The following CA5A variants were observed in gnomAD, a reference collection of about 807,000 sequenced individuals.
The protein encoded by CA5A is carbonic anhydrase 5A, mitochondrial.
CA5A carries 28 observed loss-of-function variants against 37.1 expected under a neutral mutation model. The observed-to-expected ratio is 0.75, with a 90% CI of 0.56 to 1.03. CA5A has a LOEUF of 1.03. CA5A is among the 50% of genes least tolerant of loss of function. The pLI, the probability that CA5A is intolerant of heterozygous loss-of-function variation, is 0.00. For missense variants in CA5A, 444 were observed against 399.9 expected (o/e 1.11, Z -0.94); for synonymous variants, 171 against 158.4 (o/e 1.08, Z -0.60).
chr16:87,923,648 G>C, intron 2 of CA5A: 2 of 985,402 alleles, frequency 2.0e-6, no homozygotes, highest in Non-Finnish European at 2.4e-6. Flanking sequence ...TGTCAGCTCA[G>C]GGTCAGCCAC....
Position 87,903,011 on chromosome 16 carries a change from G to A in CA5A, c.460-491C>T, listed in dbSNP as rs542702424. ...TCCCAGGCCCTTGACGAAGCCACAG[G>A]AAGGAACAGCCTCAGTCTTCCTGGT... On this transcript the variant is annotated intron_variant, in intron 3 of 6. Transcript: ENST00000649794. Among the ~76,000 whole-genome samples, 8 of 152,020 alleles carry A rather than the reference G, an allele frequency of 5.3e-5. No individual in the cohort carries two copies. In the East Asian group the frequency reaches 1.5e-3, roughly 29 times the overall value.
chr16:87,897,399 C>A (rs541204808), intron 5 of CA5A, among the ~76,000 whole-genome samples: 109 of 152,282 alleles, frequency 7.2e-4, no homozygotes, highest in African/African-American at 2.6e-3. Flanking sequence ...GGTCTCCATT[C>A]TGGAATTGTC....
intron 2 of CA5A, among the ~76,000 whole-genome samples, chr16:87,919,119 T>A (rs1195299355): frequency 1.3e-5 from 2 of 151,962 alleles, no homozygotes; most frequent in Non-Finnish European, 2.9e-5. Context: ...GTGAAGCCGG[T>A]GGGGAAGCCA....
chr16:87,908,519 C>T (rs533663022), intron 2 of CA5A, among the ~76,000 whole-genome samples: 2 of 152,318 alleles, frequency 1.3e-5, no homozygotes, highest in Middle Eastern at 3.4e-3. Flanking sequence ...AAGAGAGCGA[C>T]GCCAACTGCA....
chr16:87,899,394 C>T (rs911446844), intron 5 of CA5A, among the ~76,000 whole-genome samples: 4 of 149,406 alleles, frequency 2.7e-5, no homozygotes, highest in African/African-American at 9.9e-5. Context: ...CCTCCACCGC[C>T]CAGATTCAAG....
Position 87,905,044 on chromosome 16 carries a change from G to C in CA5A, c.341-140C>G, listed in dbSNP as rs551754642. 136 of 692,840 alleles carry C rather than the reference G, an allele frequency of 2.0e-4. No homozygotes were observed. In the African/African-American group the frequency reaches 2.3e-3, roughly 12 times the overall value. The allele number at this position is 692,840 out of a possible 1,614,324, so 42.9% of individuals were successfully genotyped here. ...GTATGGTTGAAGTGACAAGCCAAAG[G>C]TGGGCTCCGTGAAAGGTGGGCTCTG... On this transcript the variant is annotated intron_variant, in intron 2 of 6. Coordinates refer to ENST00000649794, the MANE Select transcript of CA5A (RefSeq NM_001739.2).
intron 2 of CA5A, among the ~76,000 whole-genome samples, chr16:87,914,914 G>A (rs1371509683): frequency 1.3e-5 from 2 of 152,220 alleles, no homozygotes; most frequent in Non-Finnish European, 2.9e-5. Context: ...ATGAAACCTC[G>A]GCCTCCCGTC....
At position 87,923,470 on chromosome 16, in the gene CA5A, G is replaced by A. The variant is rs1053656188; in HGVS notation, c.340+3278C>T. On this transcript the variant is annotated intron_variant, in intron 2 of 6. Coordinates refer to ENST00000649794, the MANE Select transcript of CA5A (RefSeq NM_001739.2). ...CCCAAAGTGCTGGGATTATAAGCAT[G>A]AGCCAGCTCGCCCAGCCTGGCAGTG... is the stretch of plus-strand genomic sequence containing the variant. 4.6e-6 allele frequency: 4 copies of A among 865,208 alleles called. No homozygotes were observed. The African/African-American group carries it at 7.3e-5, about 16-fold the overall frequency. The allele number at this position is 865,208 out of a possible 1,614,324, so 53.6% of individuals were successfully genotyped here. A position where few individuals can be genotyped will look rare whatever the true frequency, so the allele number is the denominator to read the frequency against.
At chr16:87,903,415 G>A (rs1209771261) in intron 3 of CA5A, among the ~76,000 whole-genome samples, 1 of 152,138 alleles carries the variant, frequency 6.6e-6, no homozygotes, top group South Asian at 2.1e-4. Context: ...CTCCAGCCTA[G>A]GCAACAGAGT....
chr16:87,895,844 T>C (rs1372376433), intron 5 of CA5A, among the ~76,000 whole-genome samples: 1 of 152,202 alleles, frequency 6.6e-6, no homozygotes, highest in Non-Finnish European at 1.5e-5. Context: ...TAGAGCTGTG[T>C]CCTTTCTGAT....
downstream of CA5A, chr16:87,886,993 C>G (rs1242032319): frequency 6.6e-6 from 1 of 152,182 alleles, no homozygotes; most frequent in African/African-American, 2.4e-5. Flanking sequence ...AGCTCTGCCT[C>G]CCGGGTTCAA....
At chr16:87,915,385 C>T (rs1341827237) in intron 2 of CA5A, among the ~76,000 whole-genome samples, 1 of 152,016 alleles carries the variant, frequency 6.6e-6, no homozygotes, top group African/African-American at 2.4e-5. Context: ...AAAGGAAAAA[C>T]AAGGCCAGGC....
chr16:87,914,479 C>T (rs981866291), intron 2 of CA5A, among the ~76,000 whole-genome samples: 3 of 152,210 alleles, frequency 2.0e-5, no homozygotes, highest in South Asian at 2.1e-4. Flanking sequence ...GCCGTTCAGC[C>T]CCGCTGCACC....
chr16:87,900,989 G>A (rs1027920995), intron 5 of CA5A, among the ~76,000 whole-genome samples: 6 of 152,258 alleles, frequency 3.9e-5, no homozygotes, highest in Admixed American at 6.5e-5. Flanking sequence ...ACCTTGGGAC[G>A]CCAAGGCGGG....
chr16:87,888,430 A>G (rs8056952), intron 6 of CA5A, among the ~76,000 whole-genome samples, 158 bp from the exon 7 acceptor site: 52,114 of 151,892 alleles, frequency 0.34, 9,135 homozygotes, highest in South Asian at 0.44. Context: ...GCAGGGCCAG[A>G]TTATAAAAGG....
intron 3 of CA5A, among the ~76,000 whole-genome samples, chr16:87,902,831 G>C (rs1224567562): frequency 6.6e-6 from 1 of 151,418 alleles, no homozygotes; most frequent in East Asian, 1.9e-4. Flanking sequence ...AGAATGGTGT[G>C]AACCCAGGAG....
intron 2 of CA5A, among the ~76,000 whole-genome samples, chr16:87,917,104 C>CAAA (rs762381468): frequency 4.3e-4 from 28 of 65,874 alleles, no homozygotes; most frequent in African/African-American, 9.8e-4. Flanking sequence ...GAGTCTGTCT[C>CAAA]AAAAAAAAAA....
intron 3 of CA5A, 57 bp downstream of exon 3, chr16:87,904,729 T>C (rs533408177): frequency 5.8e-5 from 63 of 1,085,064 alleles, no homozygotes; most frequent in South Asian, 2.7e-4. Context: ...CCCCCCACCA[T>C]AGAGCCGGAG....
intron 5 of CA5A, among the ~76,000 whole-genome samples, chr16:87,896,710 G>A (rs1310640770): frequency 6.6e-6 from 1 of 152,150 alleles, no homozygotes; most frequent in East Asian, 1.9e-4. Flanking sequence ...GCACGATCTC[G>A]GCTCACCACA....
Sources: allele counts gnomAD v4.1 joint callset (sites outside exome capture counted in the v4.1 genomes callset), GRCh38; gene constraint gnomAD v4.1.1; transcripts MANE v1.5; gene names NCBI Gene and HGNC (gene_info 2026-07-23, HGNC 2026-07-21).